TRPV3: variants seen among roughly 807,000 people sequenced by gnomAD.
The protein encoded by TRPV3 is transient receptor potential cation channel subfamily V member 3, also known as VRL-3.
In TRPV3, 88 loss-of-function variants were observed where a neutral mutation model predicts 87.1. That is an observed-to-expected ratio of 1.01 (90% confidence interval 0.85 to 1.21). The LOEUF is 1.21. Among genes scored for constraint, TRPV3 ranks in the 50% most tolerant of loss-of-function variants. TRPV3 has a pLI of 0.00. For synonymous variants in TRPV3, 438 were observed against 423.3 expected (o/e 1.03, Z -0.43); for missense variants, 1,054 against 1,030.1 (o/e 1.02, Z -0.32).
chr17:3,526,168 CACTA>C (rs2074297856), intron 12 of TRPV3, among the ~76,000 whole-genome samples: 1 of 152,132 alleles, frequency 6.6e-6, no homozygotes, highest in Non-Finnish European at 1.5e-5. Flanking sequence ...TCTCCCTCCA[CACTA>C]ACAAAACAAA....
Position 3,556,646 on chromosome 17 carries a change from C to T in TRPV3, c.-3+1030G>A, listed in dbSNP as rs531030902. 2.0e-5 allele frequency among the ~76,000 whole-genome samples: 3 copies of T among 152,270 alleles called. No individual in the cohort carries two copies. The South Asian group carries it at 6.2e-4, about 32-fold the overall frequency. The stretch of plus-strand genomic sequence containing the variant: ...TGTCATCAGGCTGGAGAGAGTCCCC[C>T]GCCCTCCAACTCAAAGGGAGCAGGC... On this transcript the variant is annotated intron_variant, in intron 1 of 17. Coordinates refer to ENST00000576742, the MANE Select transcript of TRPV3 (RefSeq NM_145068.4). This position sits in a 1 kb window ranked among gnomAD's most constrained non-coding sequence, Gnocchi z 4.2.
chr17:3,526,989 C>CAG, intron 11 of TRPV3, 62 bp from the exon 12 acceptor site: 1 of 1,351,618 alleles, frequency 7.4e-7, no homozygotes, highest in Admixed American at 1.9e-5. Context: ...GGGAGCTGAG[C>CAG]AGAGGGTGCT....
intron 3 of TRPV3, 26 bp downstream of exon 3, chr17:3,545,141 G>T (rs2074511822): frequency 1.3e-6 from 2 of 1,564,604 alleles, no homozygotes; most frequent in Admixed American, 3.4e-5. Context: ...CCCAGGGCAA[G>T]GGGTTGGGCT....
chr17:3,543,808 A>G (rs1051548384), intron 4 of TRPV3, among the ~76,000 whole-genome samples, 180 bp from the exon 5 acceptor site: 28 of 152,190 alleles, frequency 1.8e-4, no homozygotes, highest in Non-Finnish European at 8.8e-5. Flanking sequence ...TGTAATCCAT[A>G]TGCAATCACA....
chr17:3,535,183 C>T (rs1412260141), intron 7 of TRPV3, among the ~76,000 whole-genome samples: 5 of 135,018 alleles, frequency 3.7e-5, no homozygotes, highest in Non-Finnish European at 8.3e-5. Context: ...CTTCCTCCTC[C>T]CTTCCTCCCT....
chr17:3,516,649 C>T, intron 15 of TRPV3, 80 bp from the exon 16 acceptor site: 1 of 972,510 alleles, frequency 1.0e-6, no homozygotes, highest in Admixed American at 1.8e-5. Flanking sequence ...TCGGGGAGCC[C>T]ACTCCACCCT....
At chr17:3,516,906 G>A (rs1412849678) in intron 15 of TRPV3, among the ~76,000 whole-genome samples, 2 of 152,216 alleles carry the variant, frequency 1.3e-5, no homozygotes, top group Non-Finnish European at 2.9e-5. Context: ...AGCACTTTGG[G>A]AGGCCAAGGC....
chr17:3,530,255 A>C lies in TRPV3; in HGVS notation c.1066-52T>G, dbSNP rs4790511. The C allele has an allele frequency of 0.18, 276,999 of 1,561,672 alleles. 34,629 individuals carry two copies. The highest frequency in any genetic ancestry group is 0.53 in the East Asian group (23,242 of 44,114). ...AGCTGCAGAACAGGGGCTTAAGGCCAACAGGGCTGGACCAGCCAGAGGCTG... is the reference window on the plus strand; with the variant it reads ...AGCTGCAGAACAGGGGCTTAAGGCCCACAGGGCTGGACCAGCCAGAGGCTG... On this transcript the variant is annotated intron_variant, in intron 8 of 17. Transcript: ENST00000576742. The surrounding 1 kb of genome is among the most constrained non-coding windows in gnomAD (Gnocchi z 4.0).
intron 9 of TRPV3, 149 bp from the exon 10 acceptor site, chr17:3,529,144 G>C: frequency 1.1e-6 from 1 of 940,754 alleles, no homozygotes; most frequent in African/African-American, 1.6e-5. Flanking sequence ...TGCTGGGAGG[G>C]TGATTTCCGG....
chr17:3,554,804 A>C lies in TRPV3; in HGVS notation c.47T>G (p.Val16Gly). The change falls in exon 2 of 18, where the codon GTT becomes GGT. Residue 16 changes from valine to glycine, a missense_variant. Coordinates refer to ENST00000576742, the MANE Select transcript of TRPV3 (RefSeq NM_145068.4). ...KEMVPLMGKR[V>G]AAPSGNPAIL... ...GGCAGGGTTCCCACTGGGGGCAGCA[A>C]CTCTCTTGCCCATGAGAGGCACCAT... 4.3e-6 allele frequency: 7 copies of C among 1,612,186 alleles called. No homozygotes were observed. Among genetic ancestry groups the C allele is most frequent in the Non-Finnish European group, 5.9e-6 (7 of 1,179,332 alleles).
intron 7 of TRPV3, among the ~76,000 whole-genome samples, chr17:3,533,348 C>G (rs969114709): frequency 1.2e-4 from 18 of 152,182 alleles, no homozygotes; most frequent in African/African-American, 3.9e-4. Context: ...TCCCCTCTGC[C>G]TGTAGATAGC....
chr17:3,532,944 G>T lies in TRPV3; in HGVS notation c.785-7C>A, dbSNP rs959797281. 6.2e-7 allele frequency: 1 copy of T among 1,613,010 alleles called. No homozygotes were observed. The highest frequency in any genetic ancestry group is 8.5e-7 in the Non-Finnish European group (1 of 1,179,692). On this transcript the variant is annotated splice_polypyrimidine_tract_variant and splice_region_variant and intron_variant, in intron 7 of 17. Transcript: ENST00000576742. ...AGGGCCAGGGGCGTCTCACCTGGGGGATGAGCGCACTGAAGCTTGGTTCTC... is the reference window on the plus strand; with the variant it reads ...AGGGCCAGGGGCGTCTCACCTGGGGTATGAGCGCACTGAAGCTTGGTTCTC...
intron 2 of TRPV3, chr17:3,554,252 T>C (rs1382544166): frequency 6.4e-6 from 1 of 155,728 alleles, no homozygotes. Flanking sequence ...CATCATCCTA[T>C]AGTTGGTGCC....
chr17:3,530,330 G>C lies in TRPV3; in HGVS notation c.1066-127C>G, dbSNP rs1477863023. The C allele has an allele frequency of 1.1e-6, 1 of 888,974 alleles. No individual in the cohort carries two copies. Among genetic ancestry groups the C allele is most frequent in the African/African-American group, 1.7e-5 (1 of 59,382 alleles). The allele number at this position is 888,974 out of a possible 1,614,324, so 55.1% of individuals were successfully genotyped here. On this transcript the variant is annotated intron_variant, in intron 8 of 17. Coordinates refer to ENST00000576742, the MANE Select transcript of TRPV3 (RefSeq NM_145068.4). The surrounding 1 kb of genome is among the most constrained non-coding windows in gnomAD (Gnocchi z 4.0). The stretch of plus-strand genomic sequence containing the variant: ...CCAGAATGGGTGGAGACCTGCCTCT[G>C]CGCCTGGCGCCATGGCCCCTGGGCC...
Position 3,530,704 on chromosome 17 carries a change from G to A in TRPV3, c.1066-501C>T, listed in dbSNP as rs760486071. Among the ~76,000 whole-genome samples, 59 of 152,240 alleles carry A rather than the reference G, an allele frequency of 3.9e-4. No homozygotes were observed. The highest frequency in any genetic ancestry group is 6.9e-4 in the Non-Finnish European group (47 of 68,026). ...CCTACAGGGAGGCCCGTGGGACTTC[G>A]GTAGGCCAGTGATCCTCAAACTCTG... On this transcript the variant is annotated intron_variant, in intron 8 of 17. Coordinates refer to ENST00000576742, the MANE Select transcript of TRPV3 (RefSeq NM_145068.4). The surrounding 1 kb of genome is among the most constrained non-coding windows in gnomAD (Gnocchi z 4.0).
At chr17:3,533,004 G>A in intron 7 of TRPV3, 67 bp from the exon 8 acceptor site, 1 of 1,568,520 alleles carries the variant, frequency 6.4e-7, no homozygotes, top group Non-Finnish European at 8.7e-7. Flanking sequence ...CAAGCCCCAG[G>A]ACTGGGGCCC....
At chr17:3,523,562 T>C (rs1206119318) in intron 13 of TRPV3, among the ~76,000 whole-genome samples, 1 of 151,852 alleles carries the variant, frequency 6.6e-6, no homozygotes, top group East Asian at 1.9e-4. Flanking sequence ...CTACTAAAAA[T>C]ACAAAAATTA....
intron 8 of TRPV3, among the ~76,000 whole-genome samples, chr17:3,531,362 C>A (rs2074347810): frequency 6.6e-6 from 1 of 152,194 alleles, no homozygotes; most frequent in Admixed American, 6.5e-5. Context: ...GGGTTCCCAT[C>A]CCATCTGTCA....
At chr17:3,538,183 C>A (rs1203175030) in intron 6 of TRPV3, among the ~76,000 whole-genome samples, 1 of 146,906 alleles carries the variant, frequency 6.8e-6, no homozygotes, top group East Asian at 2.0e-4. Context: ...AGAGCAAGAC[C>A]CCGTCTCAAA....
Sources: gnomAD v4.1 joint callset for allele counts (sites outside exome capture counted in the v4.1 genomes callset) on GRCh38, gnomAD v4.1.1 for gene constraint, Gnocchi (gnomAD v3.1) non-coding constraint, MANE v1.5 for transcripts, NCBI Gene and HGNC (gene_info 2026-07-23, HGNC 2026-07-21) for gene names.